The following TDRD9 variants were observed in gnomAD, a reference collection of about 807,000 sequenced individuals.
TDRD9 encodes the protein ATP-dependent RNA helicase TDRD9.
In TDRD9, 124 loss-of-function variants were observed where a neutral mutation model predicts 172.6. The observed-to-expected ratio is 0.72, with a 90% CI of 0.62 to 0.83. The LOEUF is 0.83. TDRD9 is among the 40% of genes least tolerant of loss of function. TDRD9 has a pLI of 0.00. For missense variants in TDRD9, 1,479 were observed against 1,714.1 expected (o/e 0.86, Z 2.42); for synonymous variants, 619 against 617.1 (o/e 1.00, Z -0.05).
intron 29 of TDRD9, among the ~76,000 whole-genome samples, chr14:104,031,766 C>CT (rs2035290613): frequency 8.6e-6 from 1 of 116,528 alleles, no homozygotes; most frequent in Non-Finnish European, 2.1e-5. Flanking sequence ...TCAATGATTC[C>CT]TTTTTTGTTG....
chr14:104,022,460 G>C, intron 24 of TDRD9, 130 bp downstream of exon 24: 1 of 957,606 alleles, frequency 1.0e-6, no homozygotes, highest in Non-Finnish European at 1.5e-6. Flanking sequence ...GGGTGTGGGG[G>C]CTCACGCCAC....
intron 34 of TDRD9, among the ~76,000 whole-genome samples, chr14:104,046,140 A>G (rs1596032905): frequency 6.6e-6 from 1 of 152,260 alleles, no homozygotes; most frequent in East Asian, 1.9e-4. Context: ...TATTTTTAGT[A>G]GAGATGGGGT....
rs142865187 is a variant in TDRD9 at position 103,952,920 on chromosome 14, A to G, written c.216-2744A>G. Among the ~76,000 whole-genome samples, 1,028 of 151,558 alleles carry G rather than the reference A, an allele frequency of 6.8e-3. 9 individuals are homozygous for G. The highest frequency in any genetic ancestry group is 0.023 in the African/African-American group (965 of 41,294). On this transcript the variant is annotated intron_variant, in intron 1 of 35. Coordinates refer to ENST00000409874, the MANE Select transcript of TDRD9 (RefSeq NM_153046.3). ...ACGTTGGGCTAAATTTTGTATTTTT[A>G]GTAGAGATGAGGTTTCACCATGTTG...
intron 6 of TDRD9, among the ~76,000 whole-genome samples, chr14:103,974,229 A>G (rs2033147324): frequency 6.6e-6 from 1 of 152,162 alleles, no homozygotes; most frequent in African/African-American, 2.4e-5. Context: ...CTTTTTGGCT[A>G]GGATTTCCTC....
chr14:103,965,215 CA>C (rs1186241687), intron 3 of TDRD9, 117 bp from the exon 4 acceptor site: 2 of 1,110,048 alleles, frequency 1.8e-6, no homozygotes, highest in Non-Finnish European at 1.3e-6. Flanking sequence ...CCATCTCAAA[CA>C]AAACAAAACA....
rs1385754165 is a variant in TDRD9 at position 103,980,397 on chromosome 14, C to A, written c.1011+4844C>A. 6.6e-6 allele frequency among the ~76,000 whole-genome samples: 1 copy of A among 152,082 alleles called. No homozygotes were observed. Among genetic ancestry groups the A allele is most frequent in the Non-Finnish European group, 1.5e-5 (1 of 68,006 alleles). ...GGACAGGGGGCCCTTCCCTGCCTGG[C>A]AGCCAAGGCAGAGAGAGAGAGGAGA... On this transcript the variant is annotated intron_variant, in intron 7 of 35. Transcript: ENST00000409874. The surrounding 1 kb of genome is among the most constrained non-coding windows in gnomAD (Gnocchi z 4.5).
At chr14:103,998,166 AC>A (rs2034123559) in intron 12 of TDRD9, among the ~76,000 whole-genome samples, 1 of 24,788 alleles carries the variant, frequency 4.0e-5, no homozygotes, top group Non-Finnish European at 8.2e-5. Flanking sequence ...ACTTCTACCC[AC>A]CCACCCACCC....
In TDRD9 at chr14:104,023,184, CAAAAAAAAAAAAAA is replaced by C. The variant is rs10661391; in HGVS notation, c.2606+871_2606+884del. On this transcript the variant is annotated intron_variant, in intron 24 of 35. Coordinates refer to ENST00000409874, the MANE Select transcript of TDRD9 (RefSeq NM_153046.3). ...TGGGCGACAGAGCGAGACTCCGTCT[CAAAAAAAAAAAAAA>C]AAAAAAAAAAAAAAAAGGATACCTA... 2.7e-3 allele frequency among the ~76,000 whole-genome samples: 172 copies of C among 64,478 alleles called. 1 individual carries two copies. Among genetic ancestry groups the C allele is most frequent in the African/African-American group, 0.011 (157 of 13,946 alleles). The allele number at this position is 64,478 out of a possible 152,430, so 42.3% of individuals were successfully genotyped here.
intron 12 of TDRD9, among the ~76,000 whole-genome samples, chr14:103,996,126 C>G (rs1431518301): frequency 6.6e-6 from 1 of 152,164 alleles, no homozygotes; most frequent in Non-Finnish European, 1.5e-5. Flanking sequence ...TGGGGAGGAG[C>G]TCAGGCCATC....
rs556766638 is a variant in TDRD9 at position 103,947,669 on chromosome 14, C to A, written c.216-7995C>A. ...AAATGATGCTGAGAATAGTGGAAAT[C>A]CACAGGCAAAAAAATGAAATTGGAT... On this transcript the variant is annotated intron_variant, in intron 1 of 35. Coordinates refer to ENST00000409874, the MANE Select transcript of TDRD9 (RefSeq NM_153046.3). Among the ~76,000 whole-genome samples the A allele has an allele frequency of 3.1e-3, 471 of 152,156 alleles. 1 individual carries two copies. The highest frequency in any genetic ancestry group is 5.5e-3 in the Non-Finnish European group (377 of 68,004).
rs755564397 is a variant in TDRD9 at position 104,006,693 on chromosome 14, C to T, written c.1927C>T (p.His643Tyr). Residue 643 changes from histidine (H) to tyrosine (Y), a missense_variant, in exon 17 of 36, where the codon CAT becomes TAT. Physicochemically the swap from His to Tyr is moderately conservative, Grantham distance 83. Around this residue, in one of 3 missense-constraint regions of TDRD9, gnomAD observed 1,413 missense variants for 1,649.1 expected, o/e 0.86. Coordinates refer to ENST00000409874, the MANE Select transcript of TDRD9 (RefSeq NM_153046.3). ...KNFFAMPFRQ[H>Y]LDGYRNKVNF... ...TTTTTTTGCAATGCCTTTCCGGCAGCATCTCGATGGATATAGGTACTGAAC... is the reference window on the plus strand; with the variant it reads ...TTTTTTTGCAATGCCTTTCCGGCAGTATCTCGATGGATATAGGTACTGAAC... 3.1e-6 allele frequency: 5 copies of T among 1,613,844 alleles called. No homozygotes were observed. The highest frequency in any genetic ancestry group is 2.7e-5 in the African/African-American group (2 of 74,940).
At chr14:104,015,473 G>A (rs1234698195) in intron 21 of TDRD9, among the ~76,000 whole-genome samples, 1 of 152,234 alleles carries the variant, frequency 6.6e-6, no homozygotes, top group East Asian at 1.9e-4. Flanking sequence ...TTTGGTGGGT[G>A]TGTTTCAAAC....
intron 24 of TDRD9, among the ~76,000 whole-genome samples, chr14:104,024,118 G>A (rs890487674): frequency 3.3e-5 from 5 of 152,148 alleles, no homozygotes; most frequent in African/African-American, 1.2e-4. Context: ...TTATTGGAAA[G>A]TCATGTGTGT....
chr14:104,032,990 C>A (rs2035332187), intron 30 of TDRD9, among the ~76,000 whole-genome samples: 1 of 145,074 alleles, frequency 6.9e-6, no homozygotes, highest in Non-Finnish European at 1.5e-5. Flanking sequence ...GCTCCACTGG[C>A]AAGTGCATAG....
intron 6 of TDRD9, among the ~76,000 whole-genome samples, chr14:103,974,236 C>T (rs1402740920): frequency 6.6e-6 from 1 of 152,154 alleles, no homozygotes; most frequent in African/African-American, 2.4e-5. Flanking sequence ...GCTAGGATTT[C>T]CTCTTAGATA....
intron 32 of TDRD9, among the ~76,000 whole-genome samples, chr14:104,039,283 C>T (rs1291186490): frequency 6.6e-6 from 1 of 152,150 alleles, no homozygotes; most frequent in African/African-American, 2.4e-5. Flanking sequence ...TCCCATGACA[C>T]GTGGGGATTA....
At chr14:104,013,038 A>G (rs1323824921) in intron 20 of TDRD9, among the ~76,000 whole-genome samples, 1 of 152,200 alleles carries the variant, frequency 6.6e-6, no homozygotes, top group African/African-American at 2.4e-5. Context: ...CCTCAGGGGT[A>G]CAGAGGCGAG....
intron 23 of TDRD9, among the ~76,000 whole-genome samples, chr14:104,020,932 G>A: frequency 6.6e-6 from 1 of 152,042 alleles, no homozygotes. Flanking sequence ...GGGCTGGAAT[G>A]GGACACCGAA....
chr14:104,001,648 C>T (rs2034264659), intron 13 of TDRD9, among the ~76,000 whole-genome samples: 1 of 152,108 alleles, frequency 6.6e-6, no homozygotes, highest in Non-Finnish European at 1.5e-5. Context: ...CTCACTCTGT[C>T]GCTGGGCTGG....
Sources: gnomAD v4.1 joint callset for allele counts (sites outside exome capture counted in the v4.1 genomes callset) on GRCh38, gnomAD v4.1.1 for gene constraint, gnomAD v4.1.1 regional missense constraint, Gnocchi (gnomAD v3.1) non-coding constraint, MANE v1.5 for transcripts, NCBI Gene and HGNC (gene_info 2026-07-23, HGNC 2026-07-21) for gene names.